The following PEX5L variants were observed in gnomAD, a reference collection of about 807,000 sequenced individuals.
PEX5L encodes the protein PEX5-related protein.
PEX5L carries 30 observed loss-of-function variants against 84.0 expected under a neutral mutation model. The observed-to-expected ratio is 0.36, with a 90% CI of 0.27 to 0.48. The LOEUF (loss-of-function observed/expected upper bound fraction) is 0.48, where lower values mean the gene tolerates loss of function less well. Among genes scored for constraint, PEX5L ranks in the 20% least tolerant of loss-of-function variants. PEX5L has a pLI of 0.99. For synonymous variants in PEX5L, 270 were observed against 283.1 expected, an observed-to-expected ratio of 0.95 and a Z score of 0.46; for missense variants, 533 against 754.6, an observed-to-expected ratio of 0.71 and a Z score of 3.44.
intron 7 of PEX5L, among the ~76,000 whole-genome samples, chr3:179,867,165 T>G (rs1463379683): frequency 6.6e-6 from 1 of 152,008 alleles, no homozygotes; most frequent in African/African-American, 2.4e-5. Flanking sequence ...ACTACCAAAT[T>G]CTATGTTGAA....
chr3:179,874,713 T>TA (rs1445042081), intron 6 of PEX5L, among the ~76,000 whole-genome samples: 1 of 114,682 alleles, frequency 8.7e-6, no homozygotes, highest in Non-Finnish European at 1.8e-5. Flanking sequence ...TTCTGTTTCA[T>TA]AAAAAAATTA....
chr3:179,832,982 A>T (rs989752413), intron 8 of PEX5L, among the ~76,000 whole-genome samples: 1 of 152,246 alleles, frequency 6.6e-6, no homozygotes, highest in Non-Finnish European at 1.5e-5. Context: ...ATCATAGCTT[A>T]GGCTAAGGAT....
rs530748216 is a variant in PEX5L at position 180,002,186 on chromosome 3, T to A, written c.22-30521A>T. On this transcript the variant is annotated intron_variant, in intron 1 of 14. Coordinates refer to ENST00000467460, the MANE Select transcript of PEX5L (RefSeq NM_016559.3). ...CCTTTTTCTCCTAACTGAACAATGC[T>A]GCATTTAGTATCTTTGTGCATATTT... 4.5e-4 allele frequency among the ~76,000 whole-genome samples: 68 copies of A among 152,282 alleles called. 1 individual carries two copies. The highest frequency in any genetic ancestry group is 1.6e-3 in the African/African-American group (65 of 41,590).
intron 1 of PEX5L, among the ~76,000 whole-genome samples, chr3:179,988,017 C>A (rs1787011919): frequency 1.3e-5 from 2 of 152,048 alleles, no homozygotes; most frequent in African/African-American, 4.8e-5. Flanking sequence ...CTTTGAGGTA[C>A]CTGAAGACCA....
intron 2 of PEX5L, among the ~76,000 whole-genome samples, chr3:179,899,187 T>C (rs2108997969): frequency 1.3e-5 from 2 of 152,230 alleles, no homozygotes; most frequent in East Asian, 3.9e-4. Flanking sequence ...TATGGTATAA[T>C]GGGAAAGCCC....
At chr3:180,008,181 C>T (rs1789098455) in intron 1 of PEX5L, among the ~76,000 whole-genome samples, 1 of 152,120 alleles carries the variant, frequency 6.6e-6, no homozygotes, top group Non-Finnish European at 1.5e-5. Flanking sequence ...CACCAGATAC[C>T]CTAAATCATC....
At chr3:179,839,603 T>G (rs1244119391) in intron 8 of PEX5L, among the ~76,000 whole-genome samples, 1 of 152,176 alleles carries the variant, frequency 6.6e-6, no homozygotes, top group Non-Finnish European at 1.5e-5. Flanking sequence ...AAGGTTGAGT[T>G]CTATTTTTCA....
At chr3:179,815,247 A>G (rs1577203164) in intron 10 of PEX5L, among the ~76,000 whole-genome samples, 1 of 152,370 alleles carries the variant, frequency 6.6e-6, no homozygotes, top group East Asian at 1.9e-4. Context: ...AGAGCCAGAC[A>G]TCACTATATA....
At chr3:179,989,471 T>C (rs1350543874) in intron 1 of PEX5L, among the ~76,000 whole-genome samples, 2 of 152,184 alleles carry the variant, frequency 1.3e-5, no homozygotes. Context: ...AACAGAAATG[T>C]CAGATAACTA....
chr3:180,015,440 T>C (rs1485360138), intron 1 of PEX5L, among the ~76,000 whole-genome samples: 3 of 152,202 alleles, frequency 2.0e-5, no homozygotes, highest in Non-Finnish European at 4.4e-5. Flanking sequence ...GCTCTTAGTA[T>C]AACAGAAGAA....
At chr3:179,845,075 T>C (rs1343278172) in intron 8 of PEX5L, among the ~76,000 whole-genome samples, 1 of 152,212 alleles carries the variant, frequency 6.6e-6, no homozygotes, top group East Asian at 1.9e-4. Flanking sequence ...ATCAGATATC[T>C]AATCCTGTAC....
chr3:179,821,737 T>G (rs1463957993), intron 8 of PEX5L, among the ~76,000 whole-genome samples: 1 of 152,198 alleles, frequency 6.6e-6, no homozygotes, highest in Non-Finnish European at 1.5e-5. Flanking sequence ...AAATCAAAAT[T>G]TATTTTTAAT....
At chr3:179,997,443 T>A (rs1787992497) in intron 1 of PEX5L, among the ~76,000 whole-genome samples, 2 of 152,188 alleles carry the variant, frequency 1.3e-5, no homozygotes, top group Admixed American at 1.3e-4. Context: ...ACCCCCACAT[T>A]GGCTCCCTGA....
intron 7 of PEX5L, among the ~76,000 whole-genome samples, chr3:179,869,800 T>C (rs1375732864): frequency 6.6e-6 from 1 of 152,230 alleles, no homozygotes; most frequent in African/African-American, 2.4e-5. Context: ...TGCCCAGACT[T>C]GCTGGTTTAG....
chr3:179,851,133 TAGTTAA>T (rs1200234358), intron 8 of PEX5L, among the ~76,000 whole-genome samples: 2 of 152,182 alleles, frequency 1.3e-5, no homozygotes, highest in East Asian at 1.9e-4. Context: ...TGGCATCTGT[TAGTTAA>T]AGTTAAAGAG....
At chr3:180,033,026 T>C (rs957018021) in intron 1 of PEX5L, among the ~76,000 whole-genome samples, 4 of 152,250 alleles carry the variant, frequency 2.6e-5, no homozygotes, top group Admixed American at 6.5e-5. Context: ...AATTGGTTTC[T>C]TATGTATTTT....
intron 4 of PEX5L, among the ~76,000 whole-genome samples, chr3:179,885,049 A>G (rs1380728799): frequency 6.6e-6 from 1 of 152,144 alleles, no homozygotes; most frequent in Non-Finnish European, 1.5e-5. Context: ...GCCTTGAGAT[A>G]TACGCTTAAT....
intron 14 of PEX5L, 45 bp downstream of exon 14, chr3:179,807,629 A>G (rs1721877421): frequency 1.9e-6 from 3 of 1,571,770 alleles, no homozygotes; most frequent in Non-Finnish European, 2.6e-6. Flanking sequence ...ATTCGACCTC[A>G]GTCCTGGGCA....
chr3:179,846,383 A>G (rs1739352150), intron 8 of PEX5L, among the ~76,000 whole-genome samples: 1 of 152,106 alleles, frequency 6.6e-6, no homozygotes, highest in Non-Finnish European at 1.5e-5. Context: ...ATATACAATA[A>G]ATTATTGTTA....
Sources: gnomAD v4.1 joint callset for allele counts (sites outside exome capture counted in the v4.1 genomes callset) on GRCh38, gnomAD v4.1.1 for gene constraint, MANE v1.5 for transcripts, NCBI Gene and HGNC (gene_info 2026-07-23, HGNC 2026-07-21) for gene names.